Variants in LRRC37A observed in about 807,000 individuals in gnomAD.
LRRC37A encodes the protein leucine rich repeat containing 37A.
LRRC37A carries 3 observed loss-of-function variants against 35.4 expected under a neutral mutation model. That is an observed-to-expected ratio of 0.08 (90% CI 0.04 to 0.22). LRRC37A has a LOEUF of 0.22. Ranked by LOEUF, LRRC37A falls within the 10% of genes least tolerant of loss-of-function variation. The pLI is 1.00. For missense variants in LRRC37A, 67 were observed against 565.3 expected, an observed-to-expected ratio of 0.12 and a Z score of 8.94; for synonymous variants, 23 against 215.0, an observed-to-expected ratio of 0.11 and a Z score of 7.81.
chr17:46,270,290 C>T, the LRRC37A span, among the ~76,000 whole-genome samples: 2 of 152,224 alleles, frequency 1.3e-5, no homozygotes, highest in African/African-American at 4.8e-5. Flanking sequence ...TAGGGAATCA[C>T]AGGAGCCAAG....
chr17:46,259,019 ATTTTTTT>A, the LRRC37A span, among the ~76,000 whole-genome samples: 179 of 79,374 alleles, frequency 2.3e-3, no homozygotes, highest in Non-Finnish European at 3.0e-3. Flanking sequence ...CACCCGGCCT[ATTTTTTT>A]TTTTTTTTTT....
chr17:46,274,619 A>T, the LRRC37A span, among the ~76,000 whole-genome samples: 404 of 152,350 alleles, frequency 2.7e-3, 3 homozygotes, highest in African/African-American at 9.3e-3. Flanking sequence ...ATTAGTTGAC[A>T]AATGAGGGCA....
intron 5 of LRRC37A, among the ~76,000 whole-genome samples, chr17:46,315,244 T>G (rs1252594419): frequency 1.2e-5 from 1 of 81,298 alleles, no homozygotes; most frequent in African/African-American, 3.2e-5. Flanking sequence ...TTCTGTATTT[T>G]TGCAGTGCAG....
the LRRC37A span, among the ~76,000 whole-genome samples, chr17:46,264,207 G>A: frequency 2.1e-5 from 3 of 146,250 alleles, no homozygotes; most frequent in South Asian, 2.1e-4. Context: ...CAAGTGATCC[G>A]CTTCCCTCAG....
chr17:46,289,061 C>T (rs1474185449), upstream of LRRC37A, among the ~76,000 whole-genome samples: 1 of 152,172 alleles, frequency 6.6e-6, no homozygotes, highest in Non-Finnish European at 1.5e-5. Context: ...CTTCTGCTAT[C>T]CTGTAGTACA....
At chr17:46,250,869 CTCCTCT>C in the LRRC37A span, among the ~76,000 whole-genome samples, 2 of 152,136 alleles carry the variant, frequency 1.3e-5, no homozygotes, top group African/African-American at 4.8e-5. Context: ...CTTCCCCTTT[CTCCTCT>C]TCCTCTTCCT....
chr17:46,257,452 C>CAAAAAAAAAAAAAAA, the LRRC37A span, among the ~76,000 whole-genome samples: 1 of 83,322 alleles, frequency 1.2e-5, no homozygotes, highest in Non-Finnish European at 2.2e-5. Flanking sequence ...GACTCTGTCT[C>CAAAAAAAAAAAAAAA]AAAAAAAAAA....
chr17:46,317,190 C>T (rs1320046883), intron 5 of LRRC37A, among the ~76,000 whole-genome samples: 1 of 81,884 alleles, frequency 1.2e-5, no homozygotes, highest in African/African-American at 3.1e-5. Flanking sequence ...CGGGCATGCC[C>T]AGTTAGTTTT....
chr17:46,276,230 C>T, the LRRC37A span, among the ~76,000 whole-genome samples: 2 of 152,210 alleles, frequency 1.3e-5, no homozygotes, highest in African/African-American at 4.8e-5. Context: ...TGTACAGTTA[C>T]CAGGACTAAG....
chr17:46,254,822 G>A, the LRRC37A span, among the ~76,000 whole-genome samples: 1 of 151,462 alleles, frequency 6.6e-6, no homozygotes, highest in African/African-American at 2.4e-5. Context: ...GCAGACATAA[G>A]CCACCGCGCC....
At chr17:46,276,356 A>G in the LRRC37A span, among the ~76,000 whole-genome samples, 1 of 152,258 alleles carries the variant, frequency 6.6e-6, no homozygotes, top group South Asian at 2.1e-4. Flanking sequence ...GCTAGAATAA[A>G]TTTTTTACCA....
chr17:46,253,857 A>G, the LRRC37A span, among the ~76,000 whole-genome samples: 1 of 152,158 alleles, frequency 6.6e-6, no homozygotes, highest in Non-Finnish European at 1.5e-5. Flanking sequence ...ATTTGAAAGG[A>G]ACCTTTCTAT....
At chr17:46,258,299 C>G in the LRRC37A span, among the ~76,000 whole-genome samples, 6 of 151,188 alleles carry the variant, frequency 4.0e-5, no homozygotes, top group African/African-American at 1.5e-4. Context: ...CAACCTCTGC[C>G]TCCTGGGTTC....
the LRRC37A span, among the ~76,000 whole-genome samples, chr17:46,275,760 T>C: frequency 6.6e-6 from 1 of 152,254 alleles, no homozygotes; most frequent in African/African-American, 2.4e-5. Flanking sequence ...TGTGTGTATG[T>C]GTGTGTTTAT....
the LRRC37A span, among the ~76,000 whole-genome samples, chr17:46,273,880 A>G: frequency 6.6e-6 from 1 of 152,280 alleles, no homozygotes; most frequent in African/African-American, 2.4e-5. Flanking sequence ...AATGTCCTTC[A>G]TACAATATAA....
chr17:46,265,484 C>CTTTCTTTT, the LRRC37A span, among the ~76,000 whole-genome samples: 3 of 145,550 alleles, frequency 2.1e-5, no homozygotes, highest in Admixed American at 2.1e-4. Context: ...CTTCTTCTTT[C>CTTTCTTTT]TTTTTTTTTC....
the LRRC37A span, among the ~76,000 whole-genome samples, chr17:46,251,361 C>G: frequency 6.6e-6 from 1 of 150,562 alleles, no homozygotes; most frequent in Non-Finnish European, 1.5e-5. Flanking sequence ...CGGGTTCAAG[C>G]GATTCTCCTG....
chr17:46,265,301 TTCTTCTTCTTCTTCC>T, the LRRC37A span, among the ~76,000 whole-genome samples: 4 of 124,132 alleles, frequency 3.2e-5, no homozygotes, highest in East Asian at 3.1e-4. Flanking sequence ...CTTCTTCTTC[TTCTTCTTCTTCTTCC>T]TCTTCTTCTT....
At chr17:46,250,597 T>TC in the LRRC37A span, among the ~76,000 whole-genome samples, 45 of 152,356 alleles carry the variant, frequency 3.0e-4, no homozygotes, top group Middle Eastern at 3.4e-3. Flanking sequence ...AACATCGGAC[T>TC]CCAAGTTCTT....
Sources: gnomAD v4.1 joint callset for allele counts (sites outside exome capture counted in the v4.1 genomes callset) on GRCh38, gnomAD v4.1.1 for gene constraint, MANE v1.5 for transcripts, NCBI Gene and HGNC (gene_info 2026-07-23, HGNC 2026-07-21) for gene names.